The following ITGB6 variants were observed in gnomAD, a reference collection of about 807,000 sequenced individuals.
ITGB6 encodes the protein integrin subunit beta 6.
Under a neutral mutation model 84.5 loss-of-function variants are expected in ITGB6, and 80 were observed. The ratio of observed to expected loss-of-function variants is 0.95; its 90% confidence interval spans 0.79 to 1.14. ITGB6 has a LOEUF of 1.14. Ranked by LOEUF, ITGB6 falls within the 50% of genes most tolerant of loss-of-function variation. The pLI is 0.00. For missense variants in ITGB6, 1,006 were observed against 968.0 expected (o/e 1.04, Z -0.52); for synonymous variants, 383 against 354.9 (o/e 1.08, Z -0.89).
rs575156126 is a variant in ITGB6 at position 160,168,775 on chromosome 2, C to CTG, written c.1017+435_1017+436dup. On this transcript the variant is annotated intron_variant, in intron 7 of 14. Transcript: ENST00000283249. The stretch of plus-strand genomic sequence containing the variant: ...TTCCAATTCTCAATAGCTTGTGTCT[C>CTG]TGTGTGTGTCTTTTCTAAGTATCTA... Among the ~76,000 whole-genome samples, 227 of 152,248 alleles carry CTG rather than the reference C, an allele frequency of 1.5e-3. 7 individuals carry two copies. Among genetic ancestry groups the CTG allele is most frequent in the Admixed American group, 0.012 (177 of 15,290 alleles).
At chr2:160,105,330 C>T (rs1696866211) in intron 14 of ITGB6, among the ~76,000 whole-genome samples, 1 of 152,132 alleles carries the variant, frequency 6.6e-6, no homozygotes, top group Non-Finnish European at 1.5e-5. Flanking sequence ...TCATGTTCTA[C>T]ATCCTGAGGG....
In ITGB6 at chr2:160,138,128, G is replaced by A; in HGVS notation, c.1179C>T (p.Ile393=). 6.2e-7 allele frequency: 1 copy of A among 1,613,966 alleles called. No individual in the cohort carries two copies. The highest frequency in any genetic ancestry group is 8.5e-7 in the Non-Finnish European group (1 of 1,179,932). Residue 393 remains isoleucine, a synonymous_variant, in exon 9 of 15, where the codon ATC becomes ATT. Transcript: ENST00000283249. Reference sequence around the variant, plus strand: ...GTTGGAAGAGGGTACCGTTGTTACAGATGGCTGTAAATGACAAGTTGAGTC... The same window carrying A: ...GTTGGAAGAGGGTACCGTTGTTACAAATGGCTGTAAATGACAAGTTGAGTC... The part of the protein sequence containing the change: ...TEGLNLSFTA[I]CNNGTLFQHQ...
chr2:160,177,119 T>C (rs1317922769), intron 4 of ITGB6, among the ~76,000 whole-genome samples: 1 of 152,160 alleles, frequency 6.6e-6, no homozygotes, highest in East Asian at 1.9e-4. Flanking sequence ...ACTATACTAG[T>C]TGATTAGCAA....
intron 9 of ITGB6, 94 bp from the exon 10 acceptor site, chr2:160,137,945 A>G: frequency 1.3e-6 from 2 of 1,530,502 alleles, no homozygotes; most frequent in East Asian, 2.3e-5. Flanking sequence ...AAAAGCATTT[A>G]CTAGAAAATC....
At chr2:160,199,279 A>T (rs748402152) in intron 1 of ITGB6, 21 bp from the exon 2 acceptor site, 2 of 1,588,788 alleles carry the variant, frequency 1.3e-6, no homozygotes, top group South Asian at 2.2e-5. Context: ...ACCCAGCAAG[A>T]TGCAGGGATT....
At chr2:160,138,250 G>C (rs751356730) in intron 8 of ITGB6, 51 bp from the exon 9 acceptor site, 33 of 1,501,180 alleles carry the variant, frequency 2.2e-5, no homozygotes, top group Non-Finnish European at 2.9e-5. Context: ...CAAAAATATA[G>C]CCAGAAGAAG....
In ITGB6 at chr2:160,126,597, G is replaced by A. The variant is rs764544282; in HGVS notation, c.1665C>T (p.Asn555=). ...VRHKGLLCGG[N]GDCDCGECVC... The stretch of plus-strand genomic sequence containing the variant: ...CACATTCACCACAGTCACAGTCGCC[G>A]TTACCTGTAACACAAAATGCTCTAT... The change falls in exon 11 of 15, where the codon AAC becomes AAT. Residue 555 remains asparagine (N), a synonymous_variant. Transcript: ENST00000283249. 51 of 1,612,318 alleles carry A rather than the reference G, an allele frequency of 3.2e-5. No homozygotes were observed. The highest frequency in any genetic ancestry group is 3.6e-5 in the Non-Finnish European group (42 of 1,179,592).
intron 1 of ITGB6, among the ~76,000 whole-genome samples, chr2:160,199,773 C>T (rs769531215): frequency 6.6e-6 from 1 of 152,182 alleles, no homozygotes; most frequent in Non-Finnish European, 1.5e-5. Flanking sequence ...TTATTTAATT[C>T]TCCTCATTAA....
At chr2:160,184,800 C>T (rs559465388) in intron 4 of ITGB6, among the ~76,000 whole-genome samples, 63 of 152,302 alleles carry the variant, frequency 4.1e-4, no homozygotes, top group African/African-American at 1.5e-3. Flanking sequence ...CTGGCTTCAT[C>T]CCTGTGATGC....
chr2:160,110,687 A>G (rs1682463066), intron 13 of ITGB6, among the ~76,000 whole-genome samples: 1 of 152,116 alleles, frequency 6.6e-6, no homozygotes, highest in African/African-American at 2.4e-5. Flanking sequence ...CTTTTTTTCA[A>G]TTTGCTTAGA....
intron 4 of ITGB6, among the ~76,000 whole-genome samples, chr2:160,177,206 T>C (rs71423047): frequency 0.045 from 6,924 of 152,314 alleles, 205 homozygotes; most frequent in Middle Eastern, 0.13. Flanking sequence ...ATTAACATTT[T>C]GTATTTCTTC....
Position 160,174,149 on chromosome 2 carries a change from T to C in ITGB6, c.594-10A>G. The C allele has an allele frequency of 1.3e-6, 2 of 1,584,734 alleles. No homozygotes were observed. Among genetic ancestry groups the C allele is most frequent in the Non-Finnish European group, 1.7e-6 (2 of 1,165,468 alleles). On this transcript the variant is annotated splice_polypyrimidine_tract_variant and intron_variant, in intron 4 of 14. Coordinates refer to ENST00000283249, the MANE Select transcript of ITGB6 (RefSeq NM_000888.5). ...GAAGTATGGAATACTACTGCAAAAG[T>C]AAGATGCAAAAATACTGTTGATGAA...
intron 7 of ITGB6, among the ~76,000 whole-genome samples, chr2:160,143,568 C>T (rs777973410): frequency 6.6e-6 from 1 of 152,130 alleles, no homozygotes. Flanking sequence ...CAGCTGTGGT[C>T]TTCTGAGTTG....
chr2:160,169,287 T>A lies in ITGB6; in HGVS notation c.942A>T (p.Gln314His). The A allele has an allele frequency of 6.3e-7, 1 of 1,592,896 alleles. No homozygotes were observed. The highest frequency in any genetic ancestry group is 1.7e-5 in the Admixed American group (1 of 57,718). The change falls in exon 7 of 15, where the codon CAA becomes CAT. Residue 314 changes from glutamine (Q) to histidine (H), a missense_variant. Transcript: ENST00000283249. Reference protein sequence around the residue: ...STVLEYPTIGQLIDKLVQNNV... With the variant: ...STVLEYPTIGHLIDKLVQNNV... ...TGTTTTGTACCAGTTTATCAATGAGTTGTCCAATTGTTGGATATTCCTAAA... is the reference window on the plus strand; with the variant it reads ...TGTTTTGTACCAGTTTATCAATGAGATGTCCAATTGTTGGATATTCCTAAA...
At chr2:160,111,050 G>A (rs928645335) in intron 13 of ITGB6, among the ~76,000 whole-genome samples, 1 of 152,068 alleles carries the variant, frequency 6.6e-6, no homozygotes, top group African/African-American at 2.4e-5. Flanking sequence ...ATGGCATGTT[G>A]TGGTGCCACT....
chr2:160,165,616 T>TA (rs1428948257), intron 7 of ITGB6, among the ~76,000 whole-genome samples: 4 of 152,196 alleles, frequency 2.6e-5, no homozygotes, highest in African/African-American at 9.7e-5. Flanking sequence ...AATGGAAACT[T>TA]ACGTATGGTG....
chr2:160,129,778 G>A (rs1683388456), intron 10 of ITGB6, among the ~76,000 whole-genome samples: 1 of 152,042 alleles, frequency 6.6e-6, no homozygotes, highest in Admixed American at 6.6e-5. Context: ...TGATGACTGG[G>A]CTCTAAGGAA....
intron 7 of ITGB6, among the ~76,000 whole-genome samples, chr2:160,155,194 T>C (rs780239039): frequency 1.3e-5 from 2 of 152,164 alleles, no homozygotes; most frequent in Non-Finnish European, 2.9e-5. Flanking sequence ...TAGTTCTCTA[T>C]AGCAATGTGA....
At chr2:160,180,363 A>G (rs1685616679) in intron 4 of ITGB6, among the ~76,000 whole-genome samples, 1 of 152,122 alleles carries the variant, frequency 6.6e-6, no homozygotes, top group African/African-American at 2.4e-5. Flanking sequence ...CCCAGGCTGG[A>G]CTCAAACTCC....
Sources: gnomAD v4.1 joint callset for allele counts (sites outside exome capture counted in the v4.1 genomes callset) on GRCh38, gnomAD v4.1.1 for gene constraint, MANE v1.5 for transcripts, NCBI Gene and HGNC (gene_info 2026-07-23, HGNC 2026-07-21) for gene names.